ITFG1: variants seen among roughly 807,000 people sequenced by gnomAD.
The protein encoded by ITFG1 is integrin alpha FG-GAP repeat containing 1, also known as T-cell immunomodulatory protein.
ITFG1 carries 34 observed loss-of-function variants against 81.8 expected under a neutral mutation model. The ratio of observed to expected loss-of-function variants is 0.42; its 90% CI spans 0.32 to 0.55. ITFG1 has a LOEUF of 0.55. Among genes scored for constraint, ITFG1 ranks in the 20% least tolerant of loss-of-function variants. The probability of loss-of-function intolerance (pLI) is 0.17; values close to 1 mark genes in which losing one functional copy is unlikely to be tolerated. For synonymous variants in ITFG1, 285 were observed against 270.6 expected (o/e 1.05, Z -0.52); for missense variants, 672 against 755.4 (o/e 0.89, Z 1.29).
chr16:47,239,451 G>C (rs182462725), intron 12 of ITFG1, among the ~76,000 whole-genome samples: 3 of 151,960 alleles, frequency 2.0e-5, no homozygotes, highest in African/African-American at 7.3e-5. Flanking sequence ...CGCCTGCCTC[G>C]GCCTCCCAAA....
chr16:47,370,031 G>A (rs181429400), intron 7 of ITFG1, among the ~76,000 whole-genome samples: 10 of 151,642 alleles, frequency 6.6e-5, no homozygotes, highest in Admixed American at 2.0e-4. Context: ...TAGTACGGAC[G>A]GGGTTTCACC....
At chr16:47,272,875 T>C (rs1966358166) in intron 10 of ITFG1, among the ~76,000 whole-genome samples, 1 of 150,672 alleles carries the variant, frequency 6.6e-6, no homozygotes, top group Non-Finnish European at 1.5e-5. Context: ...ATATTAAATG[T>C]TGCTTCTCTG....
At chr16:47,224,111 C>T (rs957911572) in intron 13 of ITFG1, among the ~76,000 whole-genome samples, 1 of 151,752 alleles carries the variant, frequency 6.6e-6, no homozygotes, top group Admixed American at 6.6e-5. Flanking sequence ...ACACCTAATG[C>T]TGGATGACGA....
At chr16:47,439,248 T>G (rs1040743030) in intron 5 of ITFG1, among the ~76,000 whole-genome samples, 4 of 152,298 alleles carry the variant, frequency 2.6e-5, no homozygotes, top group African/African-American at 9.6e-5. Context: ...GGAACCAAGT[T>G]GGAAAACACC....
chr16:47,315,431 T>C (rs989669830), intron 8 of ITFG1, among the ~76,000 whole-genome samples: 9 of 152,310 alleles, frequency 5.9e-5, no homozygotes, highest in African/African-American at 1.9e-4. Context: ...CATTCTACTG[T>C]AAATTAATGG....
At chr16:47,219,183 T>A (rs1255285217) in intron 13 of ITFG1, among the ~76,000 whole-genome samples, 1 of 152,154 alleles carries the variant, frequency 6.6e-6, no homozygotes, top group African/African-American at 2.4e-5. Flanking sequence ...TTTAAATGAT[T>A]TAATAGTTGC....
At chr16:47,348,705 G>C (rs928007408) in intron 8 of ITFG1, among the ~76,000 whole-genome samples, 6 of 152,122 alleles carry the variant, frequency 3.9e-5, no homozygotes, top group Non-Finnish European at 7.3e-5. Flanking sequence ...AGGAAATACA[G>C]AGAACACCAC....
intron 10 of ITFG1, among the ~76,000 whole-genome samples, chr16:47,296,263 G>A (rs889733151): frequency 6.6e-6 from 1 of 150,834 alleles, no homozygotes; most frequent in Non-Finnish European, 1.5e-5. Flanking sequence ...TTTAATGTAG[G>A]CATTTAACAC....
chr16:47,258,167 G>A (rs1417443433), intron 12 of ITFG1, among the ~76,000 whole-genome samples: 1 of 152,202 alleles, frequency 6.6e-6, no homozygotes. Context: ...ATGGTGGTAG[G>A]ACAGGTGAAC....
intron 6 of ITFG1, among the ~76,000 whole-genome samples, chr16:47,398,496 A>G (rs1567486273): frequency 6.6e-6 from 1 of 152,234 alleles, no homozygotes; most frequent in African/African-American, 2.4e-5. Context: ...CTGCTCTGTA[A>G]GTTTGTTTGG....
chr16:47,227,380 T>A, intron 13 of ITFG1, among the ~76,000 whole-genome samples: 1 of 152,212 alleles, frequency 6.6e-6, no homozygotes, highest in East Asian at 1.9e-4. Flanking sequence ...GATGCTTGTT[T>A]GAAAGAATTC....
intron 8 of ITFG1, among the ~76,000 whole-genome samples, chr16:47,343,903 A>C (rs1002957368): frequency 9.2e-5 from 14 of 152,324 alleles, no homozygotes; most frequent in African/African-American, 3.4e-4. Flanking sequence ...CAATAGGTTA[A>C]AGGTAAAAAC....
At chr16:47,415,869 G>A (rs1225637997) in intron 6 of ITFG1, among the ~76,000 whole-genome samples, 5 of 152,086 alleles carry the variant, frequency 3.3e-5, no homozygotes, top group Admixed American at 6.6e-5. Flanking sequence ...TGAGGTGGGC[G>A]GATCACCTGA....
At chr16:47,451,518 T>C (rs938465772) in intron 4 of ITFG1, 48 bp from the exon 5 acceptor site, 17 of 1,025,612 alleles carry the variant, frequency 1.7e-5, no homozygotes, top group Non-Finnish European at 2.1e-5. Flanking sequence ...AAATTCTTAC[T>C]TCTAATTTAG....
intron 12 of ITFG1, among the ~76,000 whole-genome samples, chr16:47,242,786 T>G (rs554160019): frequency 2.0e-5 from 3 of 152,212 alleles, no homozygotes; most frequent in African/African-American, 7.2e-5. Context: ...AATATAAAGT[T>G]CAAAACAAGG....
chr16:47,323,071 G>C (rs1967472962), intron 8 of ITFG1, among the ~76,000 whole-genome samples: 1 of 151,922 alleles, frequency 6.6e-6, no homozygotes, highest in Non-Finnish European at 1.5e-5. Flanking sequence ...GTTTTGCTGA[G>C]TATACCAATT....
intron 14 of ITFG1, among the ~76,000 whole-genome samples, chr16:47,167,576 C>A (rs1176472137): frequency 4.6e-5 from 7 of 152,012 alleles, no homozygotes; most frequent in Non-Finnish European, 8.8e-5. Context: ...GAGAACAAAC[C>A]CCCTTGACTG....
At chr16:47,295,445 C>A (rs1332091303) in intron 10 of ITFG1, among the ~76,000 whole-genome samples, 1 of 152,086 alleles carries the variant, frequency 6.6e-6, no homozygotes, top group African/African-American at 2.4e-5. Flanking sequence ...TCATGCAGCT[C>A]TTTTGTTGTT....
rs1969387525 is a variant in ITFG1, at chr16:47,451,421, T to C, written c.535A>G (p.Asn179Asp). ...PDIFGITNES[N>D]QPQILLGGNL... is the part of the protein sequence containing the mutation. ...CCTCCTAATAGTATCTGTGGCTGGTTGGATTCATTTGTGATACCAAAAATA... is the reference window on the plus strand; with the variant it reads ...CCTCCTAATAGTATCTGTGGCTGGTCGGATTCATTTGTGATACCAAAAATA... The change falls in exon 5 of 18, where the codon AAC becomes GAC. Residue 179 changes from asparagine to aspartate, a missense_variant. Around this residue, in one of 3 missense-constraint regions of ITFG1, gnomAD observed 560 missense variants for 625.7 expected, o/e 0.90. Coordinates refer to ENST00000320640, the MANE Select transcript of ITFG1 (RefSeq NM_030790.5). 1 of 1,587,120 alleles carries C rather than the reference T, an allele frequency of 6.3e-7. No individual in the cohort carries two copies. Among genetic ancestry groups the C allele is most frequent in the Non-Finnish European group, 8.6e-7 (1 of 1,156,218 alleles).
Sources: gnomAD v4.1 joint callset for allele counts (sites outside exome capture counted in the v4.1 genomes callset) on GRCh38, gnomAD v4.1.1 for gene constraint, gnomAD v4.1.1 regional missense constraint, MANE v1.5 for transcripts, NCBI Gene and HGNC (gene_info 2026-07-23, HGNC 2026-07-21) for gene names.